The following HS3ST5 variants were observed in gnomAD, a reference collection of about 807,000 sequenced individuals.
HS3ST5 encodes the protein heparan sulfate glucosamine 3-O-sulfotransferase 5.
Under a neutral mutation model 25.4 loss-of-function variants are expected in HS3ST5, and 10 were observed. The ratio of observed to expected loss-of-function variants is 0.39; its 90% CI spans 0.24 to 0.67. The LOEUF is 0.67. Ranked by LOEUF, HS3ST5 falls within the 30% of genes least tolerant of loss-of-function variation. HS3ST5 has a pLI of 0.44. For synonymous variants in HS3ST5, 170 were observed against 162.4 expected (o/e 1.05, Z -0.36); for missense variants, 324 against 420.7 (o/e 0.77, Z 2.01).
Position 114,135,718 on chromosome 6 carries a change from C to T in HS3ST5, c.-33+32633G>A, listed in dbSNP as rs188999650. On this transcript the variant is annotated intron_variant, in intron 3 of 4. Coordinates refer to ENST00000312719, the MANE Select transcript of HS3ST5 (RefSeq NM_153612.4). ...TTCTTCCCGTGACGTTTATTTATTGCTGTTTCTTGCACATGCCAGGCATAG... is the reference window on the plus strand; with the variant it reads ...TTCTTCCCGTGACGTTTATTTATTGTTGTTTCTTGCACATGCCAGGCATAG... Among the ~76,000 whole-genome samples the T allele has an allele frequency of 9.2e-5, 14 of 152,348 alleles. No individual in the cohort carries two copies. In the East Asian group the frequency reaches 2.7e-3, roughly 29 times the overall value.
chr6:114,313,235 G>A (rs1389298780), intron 1 of HS3ST5, among the ~76,000 whole-genome samples: 5 of 152,030 alleles, frequency 3.3e-5, no homozygotes, highest in African/African-American at 1.2e-4. Context: ...TGGATGGAAC[G>A]ACTGGAACTT....
intron 1 of HS3ST5, among the ~76,000 whole-genome samples, chr6:114,238,760 A>G (rs1771971798): frequency 6.6e-6 from 1 of 152,180 alleles, no homozygotes; most frequent in Non-Finnish European, 1.5e-5. Flanking sequence ...ATAGACCTGT[A>G]CCCTGAAGAA....
chr6:114,110,770 C>T (rs895312442), intron 3 of HS3ST5, among the ~76,000 whole-genome samples: 1 of 152,162 alleles, frequency 6.6e-6, no homozygotes, highest in African/African-American at 2.4e-5. Context: ...GAATTAATCA[C>T]ATGAATTTTT....
intron 2 of HS3ST5, among the ~76,000 whole-genome samples, chr6:114,174,091 C>T (rs1239434858): frequency 6.6e-6 from 1 of 151,808 alleles, no homozygotes; most frequent in Non-Finnish European, 1.5e-5. Context: ...TTCATCTGTT[C>T]CCACTCTACC....
chr6:114,223,886 G>C (rs1212709325), intron 2 of HS3ST5, among the ~76,000 whole-genome samples: 1 of 151,520 alleles, frequency 6.6e-6, no homozygotes, highest in African/African-American at 2.4e-5. Context: ...TTTAAACTTA[G>C]TCTACCACCT....
At chr6:114,084,314 A>C (rs1433106161) in intron 3 of HS3ST5, 1 of 766,864 alleles carries the variant, frequency 1.3e-6, no homozygotes, top group Non-Finnish European at 2.4e-6. Flanking sequence ...CCTTCAGACC[A>C]GTCTGCAATC....
chr6:114,288,003 A>G (rs745613250), intron 1 of HS3ST5, among the ~76,000 whole-genome samples: 13 of 152,182 alleles, frequency 8.5e-5, no homozygotes, highest in Middle Eastern at 3.4e-3. Context: ...TTTACCACAC[A>G]CATATCCACT....
chr6:114,320,931 T>TACAC (rs1562275195), intron 1 of HS3ST5, among the ~76,000 whole-genome samples: 1 of 113,718 alleles, frequency 8.8e-6, no homozygotes, highest in African/African-American at 3.5e-5. Context: ...TATATATATA[T>TACAC]ACATATATAA....
At chr6:114,245,075 C>A (rs1036150216) in intron 1 of HS3ST5, among the ~76,000 whole-genome samples, 3 of 152,126 alleles carry the variant, frequency 2.0e-5, no homozygotes, top group African/African-American at 7.2e-5. Flanking sequence ...AAGGTGGCAT[C>A]TAGGTTTTAG....
intron 3 of HS3ST5, among the ~76,000 whole-genome samples, chr6:114,069,000 A>G (rs1339517761): frequency 6.6e-6 from 1 of 152,216 alleles, no homozygotes; most frequent in African/African-American, 2.4e-5. Context: ...CACTAAGCAA[A>G]GAAAGAAATG....
At chr6:114,185,495 C>T (rs1051615378) in intron 2 of HS3ST5, among the ~76,000 whole-genome samples, 5 of 152,156 alleles carry the variant, frequency 3.3e-5, no homozygotes, top group African/African-American at 1.2e-4. Context: ...GTCTAAGCCA[C>T]CCAGTTTATG....
chr6:114,263,339 T>G (rs929666691), intron 1 of HS3ST5, among the ~76,000 whole-genome samples: 2 of 152,076 alleles, frequency 1.3e-5, no homozygotes, highest in Non-Finnish European at 2.9e-5. Context: ...GAAAAAAACT[T>G]ATAAGAAAAA....
chr6:114,332,362 A>C (rs1481387206), intron 1 of HS3ST5, among the ~76,000 whole-genome samples: 1 of 152,090 alleles, frequency 6.6e-6, no homozygotes, highest in Non-Finnish European at 1.5e-5. Flanking sequence ...TGTTTCGTTG[A>C]AAGTTGGGTT....
chr6:114,117,354 A>G (rs1407592213), intron 3 of HS3ST5, among the ~76,000 whole-genome samples: 1 of 152,118 alleles, frequency 6.6e-6, no homozygotes, highest in Admixed American at 6.6e-5. Flanking sequence ...ATGGAACAAA[A>G]TATTTCTCCA....
At chr6:114,299,095 T>C (rs1204388345) in intron 1 of HS3ST5, among the ~76,000 whole-genome samples, 1 of 152,202 alleles carries the variant, frequency 6.6e-6, no homozygotes, top group Non-Finnish European at 1.5e-5. Context: ...GAAATATTGC[T>C]GAATTCTTTT....
chr6:114,069,836 T>A (rs892011515), intron 3 of HS3ST5, among the ~76,000 whole-genome samples: 8 of 152,112 alleles, frequency 5.3e-5, no homozygotes, highest in Admixed American at 1.3e-4. Flanking sequence ...GGAGACTTTT[T>A]AAAAAATAAT....
At chr6:114,113,438 T>C (rs1776364696) in intron 3 of HS3ST5, among the ~76,000 whole-genome samples, 1 of 151,860 alleles carries the variant, frequency 6.6e-6, no homozygotes, top group South Asian at 2.1e-4. Context: ...CCCCTTTCTC[T>C]CCCTCACATT....
At chr6:114,310,761 GTCTGTATATGTT>G (rs1562272195) in intron 1 of HS3ST5, among the ~76,000 whole-genome samples, 1 of 152,122 alleles carries the variant, frequency 6.6e-6, no homozygotes, top group African/African-American at 2.4e-5. Flanking sequence ...GTAGAGAACT[GTCTGTATATGTT>G]TAATTAATGA....
intron 3 of HS3ST5, among the ~76,000 whole-genome samples, chr6:114,064,799 G>C (rs998149028): frequency 6.6e-5 from 10 of 152,158 alleles, no homozygotes; most frequent in Non-Finnish European, 1.5e-4. Context: ...AGAGTAATAG[G>C]AGGAACCTAC....
Sources: gnomAD v4.1 joint callset for allele counts (sites outside exome capture counted in the v4.1 genomes callset) on GRCh38, gnomAD v4.1.1 for gene constraint, MANE v1.5 for transcripts, NCBI Gene and HGNC (gene_info 2026-07-23, HGNC 2026-07-21) for gene names.